RGS18: variants seen among roughly 807,000 people sequenced by gnomAD.
The protein encoded by RGS18 is regulator of G protein signaling 18.
A neutral mutation model predicts 27.6 loss-of-function variants in RGS18; 22 were observed. The observed-to-expected ratio is 0.80, with a 90% CI of 0.57 to 1.14. The LOEUF (loss-of-function observed/expected upper bound fraction) is 1.14, where lower values mean the gene tolerates loss of function less well. Among genes scored for constraint, RGS18 ranks in the 50% most tolerant of loss-of-function variants. The pLI is 0.00. For missense variants in RGS18, 299 were observed against 269.6 expected (o/e 1.11, Z -0.76); for synonymous variants, 89 against 84.6 (o/e 1.05, Z -0.29).
At chr1:192,178,995 A>G (rs187434239) in intron 3 of RGS18, among the ~76,000 whole-genome samples, 1 of 151,692 alleles carries the variant, frequency 6.6e-6, no homozygotes, top group East Asian at 2.0e-4. Flanking sequence ...GGGAAGATAA[A>G]GGAAAGAAGA....
At chr1:192,159,769 T>C (rs1032144646) in intron 2 of RGS18, among the ~76,000 whole-genome samples, 1 of 152,142 alleles carries the variant, frequency 6.6e-6, no homozygotes, top group Non-Finnish European at 1.5e-5. Flanking sequence ...GCAAAAACCT[T>C]ATATACTAGT....
At chr1:192,182,034 T>A (rs1656465561) in intron 4 of RGS18, among the ~76,000 whole-genome samples, 1 of 151,628 alleles carries the variant, frequency 6.6e-6, no homozygotes, top group South Asian at 2.1e-4. Context: ...AGTTTCTTTG[T>A]TTTTTAATAA....
Position 192,184,571 on chromosome 1 carries a change from T to A in RGS18, c.*17T>A. 6.2e-7 allele frequency: 1 copy of A among 1,606,522 alleles called. No homozygotes were observed. Reference sequence around the variant, plus strand: ...TGGTTATAAAGAAAATTGATTTTGCTCATTTTTATGACAAACTTATACATC... The same window carrying A: ...TGGTTATAAAGAAAATTGATTTTGCACATTTTTATGACAAACTTATACATC... On this transcript the variant is annotated 3_prime_UTR_variant, in exon 5 of 5. Coordinates refer to ENST00000367460, the MANE Select transcript of RGS18 (RefSeq NM_130782.3).
intron 3 of RGS18, among the ~76,000 whole-genome samples, chr1:192,161,086 G>A (rs566877560): frequency 4.7e-4 from 71 of 152,266 alleles, no homozygotes; most frequent in African/African-American, 1.5e-3. Flanking sequence ...TGCTGACCTG[G>A]TGATCCACCC....
At chr1:192,179,462 A>T (rs1420425821) in intron 3 of RGS18, among the ~76,000 whole-genome samples, 1 of 151,662 alleles carries the variant, frequency 6.6e-6, no homozygotes, top group Admixed American at 6.6e-5. Context: ...TTTATTCCAG[A>T]TAAATAAAGA....
intron 3 of RGS18, among the ~76,000 whole-genome samples, chr1:192,164,257 G>A (rs577028827): frequency 6.6e-6 from 1 of 152,130 alleles, no homozygotes; most frequent in South Asian, 2.1e-4. Flanking sequence ...TCCAAGCAAA[G>A]AATCAGTATA....
intron 4 of RGS18, among the ~76,000 whole-genome samples, chr1:192,181,869 C>G (rs999289648): frequency 6.6e-6 from 1 of 151,592 alleles, no homozygotes; most frequent in Non-Finnish European, 1.5e-5. Context: ...CTTACCTAGC[C>G]CTTGGTAACC....
Position 192,161,136 on chromosome 1 carries a change from C to T in RGS18, c.283+697C>T, listed in dbSNP as rs1656063989. Among the ~76,000 whole-genome samples, 3 of 152,304 alleles carry T rather than the reference C, an allele frequency of 2.0e-5. No individual in the cohort carries two copies. The South Asian group carries it at 6.2e-4, about 32-fold the overall frequency. ...AAGTGCTGGGATTACAGGCGTGAAC[C>T]ACTGCGCCCCGCTCCATAAACACAG... On this transcript the variant is annotated intron_variant, in intron 3 of 4. Transcript: ENST00000367460.
chr1:192,158,622 T>G lies in RGS18; in HGVS notation c.-16T>G, dbSNP rs377705382. On this transcript the variant is annotated 5_prime_UTR_variant, in exon 1 of 5. Coordinates refer to ENST00000367460, the MANE Select transcript of RGS18 (RefSeq NM_130782.3). Reference sequence around the variant, plus strand: ...AGGATGTAATAAATTAGACATCTCTTCATTTTAGAGAGAAGATGGAAACAA... The same window carrying G: ...AGGATGTAATAAATTAGACATCTCTGCATTTTAGAGAGAAGATGGAAACAA... 6 of 1,534,088 alleles carry G rather than the reference T, an allele frequency of 3.9e-6. No individual in the cohort carries two copies. The African/African-American group carries it at 5.7e-5, about 14-fold the overall frequency.
chr1:192,169,805 T>C (rs894434329), intron 3 of RGS18: 21 of 152,094 alleles, frequency 1.4e-4, no homozygotes, highest in African/African-American at 4.6e-4. Context: ...CAATAAGAAA[T>C]AAGACATTTT....
intron 4 of RGS18, among the ~76,000 whole-genome samples, chr1:192,183,781 A>G (rs529986007): frequency 1.9e-4 from 29 of 151,806 alleles, no homozygotes; most frequent in African/African-American, 6.7e-4. Flanking sequence ...TTTTTGATAC[A>G]TGCTAAAAAA....
intron 3 of RGS18, among the ~76,000 whole-genome samples, chr1:192,162,350 C>T (rs1365308500): frequency 1.3e-5 from 2 of 152,108 alleles, no homozygotes; most frequent in Non-Finnish European, 2.9e-5. Context: ...GCTCTGTAGC[C>T]TAGGCTGGAG....
intron 3 of RGS18, 185 bp downstream of exon 3, chr1:192,160,624 C>T: frequency 2.0e-6 from 1 of 504,540 alleles, no homozygotes; most frequent in Non-Finnish European, 3.6e-6. Context: ...TTTAAAAGTT[C>T]TCATTTTGTT....
chr1:192,174,156 C>A (rs925750856), intron 3 of RGS18, among the ~76,000 whole-genome samples: 3 of 151,706 alleles, frequency 2.0e-5, no homozygotes, highest in Non-Finnish European at 3.0e-5. Context: ...CTTGTGATTT[C>A]TCTAACATGT....
rs369849642 is a variant in RGS18, at chr1:192,184,247, G to T, written c.451-50G>T. ...CAGTCCTGTGCTGTTTCTCAAAGTTGTTTATATAAGCATATTAACTATAAT... is the reference window on the plus strand; with the variant it reads ...CAGTCCTGTGCTGTTTCTCAAAGTTTTTTATATAAGCATATTAACTATAAT... On this transcript the variant is annotated intron_variant, in intron 4 of 4. Coordinates refer to ENST00000367460, the MANE Select transcript of RGS18 (RefSeq NM_130782.3). The T allele has an allele frequency of 1.4e-4, 213 of 1,540,574 alleles. 2 individuals are homozygous for T. The African/African-American group carries it at 2.7e-3, about 19-fold the overall frequency.
At chr1:192,167,508 C>T (rs1227465828) in intron 3 of RGS18, among the ~76,000 whole-genome samples, 2 of 152,052 alleles carry the variant, frequency 1.3e-5, no homozygotes, top group Non-Finnish European at 2.9e-5. Context: ...CAACCTCCAC[C>T]TCCTGGGTTC....
At chr1:192,161,645 T>C (rs1482668696) in intron 3 of RGS18, among the ~76,000 whole-genome samples, 1 of 152,072 alleles carries the variant, frequency 6.6e-6, no homozygotes, top group Non-Finnish European at 1.5e-5. Flanking sequence ...AATACAATCA[T>C]TTCCCAGCTC....
chr1:192,160,116 T>G (rs972837844), intron 2 of RGS18, among the ~76,000 whole-genome samples: 1 of 152,104 alleles, frequency 6.6e-6, no homozygotes, highest in Non-Finnish European at 1.5e-5. Context: ...AAAGGATTAA[T>G]TTTTAATTAA....
At chr1:192,178,652 TGAATG>T (rs1044866988) in intron 3 of RGS18, among the ~76,000 whole-genome samples, 1 of 151,604 alleles carries the variant, frequency 6.6e-6, no homozygotes, top group African/African-American at 2.4e-5. Context: ...AGTAAAGTGT[TGAATG>T]GAAACCACAT....
Sources: gnomAD v4.1 joint callset for allele counts (sites outside exome capture counted in the v4.1 genomes callset) on GRCh38, gnomAD v4.1.1 for gene constraint, MANE v1.5 for transcripts, NCBI Gene and HGNC (gene_info 2026-07-23, HGNC 2026-07-21) for gene names.